The following ADCY2 variants were observed in gnomAD, a reference collection of about 807,000 sequenced individuals.
ADCY2 encodes adenylate cyclase type 2.
In ADCY2, 31 loss-of-function variants were observed where a neutral mutation model predicts 125.2. The ratio of observed to expected loss-of-function variants is 0.25; its 90% confidence interval spans 0.19 to 0.33. The LOEUF (loss-of-function observed/expected upper bound fraction) is 0.33. Among genes scored for constraint, ADCY2 ranks in the 10% least tolerant of loss-of-function variants. The pLI, the probability that ADCY2 is intolerant of heterozygous loss-of-function variation, is 1.00. For missense variants in ADCY2, 904 were observed against 1,418.2 expected, an observed-to-expected ratio of 0.64 and a Z score of 5.82; for synonymous variants, 512 against 548.4, an observed-to-expected ratio of 0.93 and a Z score of 0.93.
chr5:7,762,879 G>A (rs537790637), intron 16 of ADCY2, among the ~76,000 whole-genome samples: 12 of 152,212 alleles, frequency 7.9e-5, no homozygotes, highest in Admixed American at 2.0e-4. Flanking sequence ...GGAGTGGGGG[G>A]CTGTGGGCGC....
At chr5:7,573,729 ACT>A (rs1338887397) in intron 3 of ADCY2, among the ~76,000 whole-genome samples, 1 of 140,926 alleles carries the variant, frequency 7.1e-6, no homozygotes, top group Non-Finnish European at 1.6e-5. Flanking sequence ...TGCCTTTTAA[ACT>A]CTTTTTTTTG....
intron 21 of ADCY2, among the ~76,000 whole-genome samples, chr5:7,804,097 A>G (rs78114935): frequency 0.02 from 2,345 of 117,764 alleles, 66 homozygotes; most frequent in African/African-American, 0.068. Context: ...CCTAATACAT[A>G]TATTAGGCTA....
At chr5:7,443,955 A>G (rs543447383) in intron 2 of ADCY2, among the ~76,000 whole-genome samples, 6 of 152,142 alleles carry the variant, frequency 3.9e-5, no homozygotes, top group Non-Finnish European at 7.4e-5. Flanking sequence ...GACTTTTTGG[A>G]TATATAAAAT....
chr5:7,430,027 T>TC (rs1740530528), intron 2 of ADCY2, among the ~76,000 whole-genome samples: 2 of 152,128 alleles, frequency 1.3e-5, no homozygotes, highest in Admixed American at 6.5e-5. Flanking sequence ...TGAAAGGGGT[T>TC]ATTGTTATAG....
chr5:7,534,606 A>G (rs1397545359), intron 3 of ADCY2, among the ~76,000 whole-genome samples: 1 of 152,230 alleles, frequency 6.6e-6, no homozygotes, highest in Non-Finnish European at 1.5e-5. Context: ...CTGGTTTAGT[A>G]GAAGTTTAGC....
chr5:7,587,548 C>T (rs944527742), intron 3 of ADCY2, among the ~76,000 whole-genome samples: 1 of 152,170 alleles, frequency 6.6e-6, no homozygotes, highest in Admixed American at 6.5e-5. Flanking sequence ...TTGATGGGCT[C>T]CTGTACCTTC....
At chr5:7,471,702 G>A (rs1220730041) in intron 2 of ADCY2, among the ~76,000 whole-genome samples, 1 of 148,248 alleles carries the variant, frequency 6.7e-6, no homozygotes, top group East Asian at 2.0e-4. Context: ...GTAGATCCAA[G>A]TTTCTGTACT....
chr5:7,528,910 C>T (rs987393626), intron 3 of ADCY2, among the ~76,000 whole-genome samples: 3 of 152,126 alleles, frequency 2.0e-5, no homozygotes, highest in East Asian at 1.9e-4. Flanking sequence ...TCTTTGAAAC[C>T]GTGTAAGACA....
At chr5:7,500,134 C>A (rs1218891497) in intron 2 of ADCY2, among the ~76,000 whole-genome samples, 1 of 152,130 alleles carries the variant, frequency 6.6e-6, no homozygotes, top group South Asian at 2.1e-4. Context: ...TTGGATGTTT[C>A]TTGCCCCAGT....
chr5:7,658,431 G>GTGTATATA (rs59664339), intron 4 of ADCY2, among the ~76,000 whole-genome samples: 52 of 143,004 alleles, frequency 3.6e-4, no homozygotes, highest in East Asian at 1.7e-3. Flanking sequence ...GTGTGTGTGT[G>GTGTATATA]TATATATATA....
At position 7,818,847 on chromosome 5, in the gene ADCY2, T is replaced by TA. The variant is rs545279514; in HGVS notation, c.2999-1709dup. On this transcript the variant is annotated intron_variant, in intron 23 of 24. Transcript: ENST00000338316. ...ATTTTGCTACTATACCTCTTTAAAA[T>TA]AAAAAAAAATGTATTACATGGGTGT... Among the ~76,000 whole-genome samples the TA allele has an allele frequency of 6.1e-3, 925 of 150,626 alleles. 13 individuals are homozygous for TA. Among genetic ancestry groups the TA allele is most frequent in the African/African-American group, 0.02 (826 of 41,122 alleles).
chr5:7,826,689 C>G, intron 24 of ADCY2, 30 bp from the exon 25 acceptor site: 1 of 1,613,820 alleles, frequency 6.2e-7, no homozygotes, highest in Non-Finnish European at 8.5e-7. Context: ...ATGTACTAAG[C>G]CCGTTTTCCC....
rs1489528012 is a variant in ADCY2, at chr5:7,613,267, C to CTATTTGTGCCT, written c.571-12900_571-12899insTATTTGTGCCT. Among the ~76,000 whole-genome samples, 3 of 152,216 alleles carry CTATTTGTGCCT rather than the reference C, an allele frequency of 2.0e-5. No homozygotes were observed. The East Asian group carries it at 5.8e-4, about 29-fold the overall frequency. ...CCCAGGAAACCAGAGATGGAGAAGG[C>CTATTTGTGCCT]ACAAATAGCTCAACTACAGAAATGC... On this transcript the variant is annotated intron_variant, in intron 3 of 24. Coordinates refer to ENST00000338316, the MANE Select transcript of ADCY2 (RefSeq NM_020546.3).
Position 7,724,626 on chromosome 5 carries a change from T to G in ADCY2, c.1773+12T>G. 6.4e-7 allele frequency: 1 copy of G among 1,552,154 alleles called. No individual in the cohort carries two copies. The highest frequency in any genetic ancestry group is 1.2e-5 in the South Asian group (1 of 84,014). ...TACTAGAAAAAGAGGTAAGTTTTTT[T>G]CTTCTTCAAAATCATCAATCGAGTT... On this transcript the variant is annotated intron_variant, in intron 13 of 24. Coordinates refer to ENST00000338316, the MANE Select transcript of ADCY2 (RefSeq NM_020546.3).
intron 1 of ADCY2, among the ~76,000 whole-genome samples, chr5:7,413,635 T>C (rs12109907): frequency 0.32 from 48,024 of 151,550 alleles, 8,387 homozygotes; most frequent in African/African-American, 0.45. Flanking sequence ...TGGATATTTC[T>C]GTTAACTACA....
chr5:7,738,641 C>T (rs1742319529), intron 14 of ADCY2, among the ~76,000 whole-genome samples: 1 of 151,936 alleles, frequency 6.6e-6, no homozygotes, highest in African/African-American at 2.4e-5. Context: ...ACAAGAGATG[C>T]ACTTTAAATA....
At chr5:7,403,006 C>G (rs913595881) in intron 1 of ADCY2, among the ~76,000 whole-genome samples, 2 of 152,108 alleles carry the variant, frequency 1.3e-5, no homozygotes, top group Non-Finnish European at 2.9e-5. Flanking sequence ...TATCAATGTC[C>G]TTTGCTGTCT....
intron 4 of ADCY2, among the ~76,000 whole-genome samples, chr5:7,660,385 A>G (rs1271432309): frequency 6.6e-6 from 1 of 152,186 alleles, no homozygotes; most frequent in East Asian, 1.9e-4. Context: ...TGGGCAGGAC[A>G]GGGTTGTTGA....
rs142355926 is a variant in ADCY2, at chr5:7,638,907, G to A, written c.720+12591G>A. Among the ~76,000 whole-genome samples, 569 of 152,226 alleles carry A rather than the reference G, an allele frequency of 3.7e-3. 5 individuals carry two copies. Among genetic ancestry groups the A allele is most frequent in the Non-Finnish European group, 5.6e-3 (378 of 68,002 alleles). ...TGGGAGATCACTGAATCATGGGGGTGGGTCTTTCCCATGCTGTTCTCATGA... is the reference window on the plus strand; with the variant it reads ...TGGGAGATCACTGAATCATGGGGGTAGGTCTTTCCCATGCTGTTCTCATGA... On this transcript the variant is annotated intron_variant, in intron 4 of 24. Transcript: ENST00000338316.
Sources: gnomAD v4.1 joint callset for allele counts (sites outside exome capture counted in the v4.1 genomes callset) on GRCh38, gnomAD v4.1.1 for gene constraint, MANE v1.5 for transcripts, NCBI Gene and HGNC (gene_info 2026-07-23, HGNC 2026-07-21) for gene names.